The following GRM1 variants were observed in gnomAD, a reference collection of about 807,000 sequenced individuals.
GRM1 encodes metabotropic glutamate receptor 1.
In GRM1, 33 loss-of-function variants were observed where a neutral mutation model predicts 90.9. The observed-to-expected ratio is 0.36, with a 90% CI of 0.28 to 0.49. The LOEUF (loss-of-function observed/expected upper bound fraction) is 0.49, where lower values mean the gene tolerates loss of function less well. Ranked by LOEUF, GRM1 falls within the 20% of genes least tolerant of loss-of-function variation. GRM1 has a pLI of 0.99. For synonymous variants in GRM1, 700 were observed against 613.2 expected (o/e 1.14, Z -2.09); for missense variants, 1,190 against 1,534.3 (o/e 0.78, Z 3.75).
intron 1 of GRM1, among the ~76,000 whole-genome samples, chr6:146,038,126 TG>T (rs1562420336): frequency 6.6e-6 from 1 of 151,786 alleles, no homozygotes; most frequent in African/African-American, 2.4e-5. Flanking sequence ...AGGGCAGAAA[TG>T]TAAAATAAGA....
intron 1 of GRM1, among the ~76,000 whole-genome samples, chr6:146,151,501 T>C (rs2128888413): frequency 6.6e-6 from 1 of 152,258 alleles, no homozygotes; most frequent in South Asian, 2.1e-4. Context: ...GGAAAAAAAA[T>C]CAATTTAAAG....
rs554598016 is a variant in GRM1, at chr6:146,240,442, T to C, written c.951-64169T>C. ...GAGTGGTTACTGGAAACTGGTACTA[T>C]CTGTGGCTGCAAGAAATGGATTCCT... On this transcript the variant is annotated intron_variant, in intron 2 of 7. Transcript: ENST00000282753. Among the ~76,000 whole-genome samples, 4 of 151,044 alleles carry C rather than the reference T, an allele frequency of 2.6e-5. No individual in the cohort carries two copies. In the South Asian group the frequency reaches 8.3e-4, roughly 31 times the overall value.
intron 1 of GRM1, among the ~76,000 whole-genome samples, chr6:146,119,392 G>T (rs1178085767): frequency 6.6e-6 from 1 of 152,014 alleles, no homozygotes; most frequent in Non-Finnish European, 1.5e-5. Context: ...TCTGTAGGTT[G>T]CCTGTTCACT....
At chr6:146,075,866 ACTC>A (rs1776168703) in intron 1 of GRM1, among the ~76,000 whole-genome samples, 1 of 151,902 alleles carries the variant, frequency 6.6e-6, no homozygotes. Flanking sequence ...CTGAATGTCC[ACTC>A]CTCTTTTTAT....
chr6:146,399,360 C>G lies in GRM1; in HGVS notation c.2321C>G (p.Thr774Ser). 1.9e-6 allele frequency: 3 copies of G among 1,614,180 alleles called. No individual in the cohort carries two copies. Among genetic ancestry groups the G allele is most frequent in the Non-Finnish European group, 2.5e-6 (3 of 1,180,028 alleles). Residue 774 changes from threonine (T) to serine (S), a missense_variant, in exon 7 of 8, where the codon ACC (threonine) becomes AGC (serine). Around this residue, in one of 10 missense-constraint regions of GRM1, gnomAD observed 73 missense variants for 150.6 expected, o/e 0.48. Transcript: ENST00000282753. This position sits in a 1 kb window ranked among gnomAD's most constrained non-coding sequence, Gnocchi z 5.4. Reference sequence around the variant, plus strand: ...AGCTGTACCTACTATGCCTTCAAGACCCGCAACGTGCCCGCCAACTTCAAC... The same window carrying G: ...AGCTGTACCTACTATGCCTTCAAGAGCCGCAACGTGCCCGCCAACTTCAAC... ...IMSCTYYAFK[T>S]RNVPANFNEA...
intron 7 of GRM1, among the ~76,000 whole-genome samples, chr6:146,419,597 G>A (rs1462883359): frequency 1.3e-5 from 2 of 152,166 alleles, no homozygotes; most frequent in African/African-American, 2.4e-5. Flanking sequence ...AAGAAAAGAG[G>A]TCTAATTGAC....
At chr6:146,142,169 C>T (rs1433406329) in intron 1 of GRM1, among the ~76,000 whole-genome samples, 2 of 152,206 alleles carry the variant, frequency 1.3e-5, no homozygotes, top group Non-Finnish European at 2.9e-5. Flanking sequence ...GAGGTACCAC[C>T]TTGGTCGTCT....
At chr6:146,152,162 G>C (rs1777363119) in intron 1 of GRM1, among the ~76,000 whole-genome samples, 1 of 152,000 alleles carries the variant, frequency 6.6e-6, no homozygotes. Flanking sequence ...TATGCCAGAG[G>C]CCTCACTAAA....
intron 7 of GRM1, among the ~76,000 whole-genome samples, chr6:146,416,875 T>A (rs3804299): frequency 0.46 from 70,303 of 152,004 alleles, 16,489 homozygotes; most frequent in South Asian, 0.6. Flanking sequence ...TTTCAGCAGC[T>A]TACTGCTTAG....
At chr6:146,388,844 T>C (rs965309293) in intron 6 of GRM1, among the ~76,000 whole-genome samples, 4 of 152,098 alleles carry the variant, frequency 2.6e-5, no homozygotes, top group African/African-American at 9.7e-5. Flanking sequence ...TACATGTTTG[T>C]TAAATTGAGG....
intron 1 of GRM1, among the ~76,000 whole-genome samples, chr6:146,116,771 A>G (rs145801871): frequency 1.1e-3 from 173 of 152,218 alleles, no homozygotes; most frequent in African/African-American, 4.0e-3. Flanking sequence ...TTTTCTACCC[A>G]TAGTGATCTG....
chr6:146,335,062 G>A (rs1010517299), intron 3 of GRM1, among the ~76,000 whole-genome samples: 9 of 152,142 alleles, frequency 5.9e-5, no homozygotes, highest in African/African-American at 1.9e-4. Context: ...AGTTGCAGGT[G>A]TCTTATAGGT....
chr6:146,331,873 G>T (rs1319766600), intron 3 of GRM1, among the ~76,000 whole-genome samples: 1 of 152,070 alleles, frequency 6.6e-6, no homozygotes, highest in East Asian at 1.9e-4. Context: ...TTGAAGAACG[G>T]CCTTAAGGTC....
chr6:146,262,245 T>TA (rs543883065), intron 2 of GRM1, among the ~76,000 whole-genome samples: 2 of 151,820 alleles, frequency 1.3e-5, no homozygotes, highest in Non-Finnish European at 2.9e-5. Context: ...GAAGAAAGGT[T>TA]AAAAAAAATA....
intron 1 of GRM1, among the ~76,000 whole-genome samples, chr6:146,030,982 A>G (rs1442501601): frequency 5.3e-5 from 8 of 152,190 alleles, no homozygotes; most frequent in Non-Finnish European, 8.8e-5. Context: ...ATGAACTTAC[A>G]TATTAGAATT....
intron 1 of GRM1, among the ~76,000 whole-genome samples, chr6:146,051,077 G>C (rs558677707): frequency 1.3e-5 from 2 of 152,038 alleles, no homozygotes; most frequent in African/African-American, 4.8e-5. Context: ...ATGAAGGAGG[G>C]GGATTAGTGG....
chr6:146,099,816 G>A (rs1054734419), intron 1 of GRM1, among the ~76,000 whole-genome samples: 1 of 152,060 alleles, frequency 6.6e-6, no homozygotes, highest in Admixed American at 6.6e-5. Context: ...AGGCAATTTG[G>A]ACTGTTTGCA....
intron 1 of GRM1, among the ~76,000 whole-genome samples, chr6:146,102,834 G>A (rs1427743052): frequency 6.6e-6 from 1 of 152,126 alleles, no homozygotes; most frequent in Non-Finnish European, 1.5e-5. Flanking sequence ...GAGAAAACTT[G>A]TAAAGAAACT....
chr6:146,085,084 A>G (rs1490567331), intron 1 of GRM1, among the ~76,000 whole-genome samples: 5 of 152,166 alleles, frequency 3.3e-5, no homozygotes, highest in African/African-American at 9.6e-5. Flanking sequence ...AAACTATAAG[A>G]AAGTATAAGT....
Sources: gnomAD v4.1 joint callset for allele counts (sites outside exome capture counted in the v4.1 genomes callset) on GRCh38, gnomAD v4.1.1 for gene constraint, gnomAD v4.1.1 regional missense constraint, Gnocchi (gnomAD v3.1) non-coding constraint, MANE v1.5 for transcripts, NCBI Gene and HGNC (gene_info 2026-07-23, HGNC 2026-07-21) for gene names.